Variants in PRKG1 observed in about 807,000 individuals in gnomAD.
PRKG1 encodes protein kinase cGMP-dependent 1, also known as cGMP-dependent protein kinase 1.
Under a neutral mutation model 88.1 loss-of-function variants are expected in PRKG1, and 35 were observed. The ratio of observed to expected loss-of-function variants is 0.40; its 90% CI spans 0.30 to 0.53. The LOEUF (loss-of-function observed/expected upper bound fraction) is 0.53, where lower values mean the gene tolerates loss of function less well. PRKG1 is among the 20% of genes least tolerant of loss of function. The pLI is 0.59. For missense variants in PRKG1, 540 were observed against 839.8 expected (o/e 0.64, Z 4.41); for synonymous variants, 303 against 292.5 (o/e 1.04, Z -0.37).
At chr10:51,983,945 A>G (rs568587485) in intron 5 of PRKG1, among the ~76,000 whole-genome samples, 1 of 152,350 alleles carries the variant, frequency 6.6e-6, no homozygotes, top group East Asian at 1.9e-4. Flanking sequence ...GTTCTTTTAA[A>G]GGAAAAATAA....
chr10:51,232,278 T>C (rs1344157153), intron 2 of PRKG1, among the ~76,000 whole-genome samples: 1 of 152,190 alleles, frequency 6.6e-6, no homozygotes, highest in African/African-American at 2.4e-5. Flanking sequence ...ACCTAACATA[T>C]GGCCTTTTAA....
At chr10:51,211,552 T>C (rs1214760253) in intron 2 of PRKG1, among the ~76,000 whole-genome samples, 2 of 152,164 alleles carry the variant, frequency 1.3e-5, no homozygotes, top group Non-Finnish European at 2.9e-5. Context: ...GACATGATTG[T>C]ATATCTAGAA....
In PRKG1 at chr10:51,597,140, T is replaced by C. The variant is rs139983359; in HGVS notation, c.592+129304T>C. On this transcript the variant is annotated intron_variant, in intron 3 of 17. Transcript: ENST00000373980. ...TTCTAGTTGGTATATGTTTTCTTTTTGGCTAGAAAACTAAACTAACCTTCT... is the reference window on the plus strand; with the variant it reads ...TTCTAGTTGGTATATGTTTTCTTTTCGGCTAGAAAACTAAACTAACCTTCT... 6.1e-3 allele frequency among the ~76,000 whole-genome samples: 929 copies of C among 152,260 alleles called. 10 individuals are homozygous for C. Among genetic ancestry groups the C allele is most frequent in the African/African-American group, 0.021 (854 of 41,500 alleles).
intron 4 of PRKG1, among the ~76,000 whole-genome samples, chr10:51,832,110 T>TA (rs549567750): frequency 2.0e-4 from 31 of 152,276 alleles, no homozygotes; most frequent in African/African-American, 7.0e-4. Flanking sequence ...GTTTTCTTTT[T>TA]AAAAAAACTT....
At chr10:51,145,287 G>A (rs1845917226) in intron 1 of PRKG1, among the ~76,000 whole-genome samples, 1 of 152,124 alleles carries the variant, frequency 6.6e-6, no homozygotes, top group South Asian at 2.1e-4. Flanking sequence ...TTAGTGCCTT[G>A]AAAGGTAAGA....
intron 3 of PRKG1, among the ~76,000 whole-genome samples, chr10:51,756,548 G>A (rs1481261156): frequency 6.6e-6 from 1 of 151,312 alleles, no homozygotes; most frequent in African/African-American, 2.4e-5. Context: ...GGGCACGGTG[G>A]CTCATGCCTG....
chr10:51,998,797 A>C (rs150408326), intron 5 of PRKG1, among the ~76,000 whole-genome samples: 170 of 152,280 alleles, frequency 1.1e-3, no homozygotes, highest in African/African-American at 3.7e-3. Context: ...ATCTTTTAAA[A>C]TTCTTGACTT....
chr10:51,582,538 A>C (rs1023941091), intron 3 of PRKG1, among the ~76,000 whole-genome samples: 1 of 152,082 alleles, frequency 6.6e-6, no homozygotes, highest in African/African-American at 2.4e-5. Context: ...CCCAGTTATA[A>C]GTGAGAACAT....
At chr10:51,285,798 A>G (rs1390308954) in intron 2 of PRKG1, among the ~76,000 whole-genome samples, 1 of 152,150 alleles carries the variant, frequency 6.6e-6, no homozygotes, top group African/African-American at 2.4e-5. Context: ...AGAGGTGAAG[A>G]GTTCTGAAGC....
chr10:52,170,359 C>T (rs1318976074), intron 9 of PRKG1, among the ~76,000 whole-genome samples: 1 of 152,108 alleles, frequency 6.6e-6, no homozygotes, highest in Non-Finnish European at 1.5e-5. Context: ...ATAATAGATT[C>T]ACATAATATA....
intron 3 of PRKG1, among the ~76,000 whole-genome samples, chr10:51,782,967 C>T (rs186404561): frequency 6.6e-5 from 10 of 152,142 alleles, no homozygotes; most frequent in East Asian, 5.8e-4. Flanking sequence ...TGTCTTTTGA[C>T]GCCTGTGCCG....
chr10:51,876,959 C>T (rs991150066), intron 4 of PRKG1, among the ~76,000 whole-genome samples: 4 of 152,172 alleles, frequency 2.6e-5, no homozygotes, highest in African/African-American at 4.8e-5. Context: ...ACCTTTCCTT[C>T]CCTACCAATG....
chr10:52,227,552 G>A (rs1254154564), intron 9 of PRKG1, among the ~76,000 whole-genome samples: 1 of 152,084 alleles, frequency 6.6e-6, no homozygotes, highest in Non-Finnish European at 1.5e-5. Context: ...CAGGCTATAT[G>A]CAAATACTAC....
At chr10:51,717,503 G>C (rs528050580) in intron 3 of PRKG1, among the ~76,000 whole-genome samples, 23 of 152,274 alleles carry the variant, frequency 1.5e-4, no homozygotes, top group African/African-American at 5.3e-4. Context: ...TGAAATTTAT[G>C]ATCCTCAAGT....
intron 3 of PRKG1, among the ~76,000 whole-genome samples, chr10:51,660,120 G>A (rs1840259543): frequency 9.4e-6 from 1 of 106,784 alleles, no homozygotes; most frequent in Admixed American, 1.3e-4. Flanking sequence ...GAAGGCCTAG[G>A]GAAGGGAATT....
At chr10:51,641,540 G>T (rs770418508) in intron 3 of PRKG1, among the ~76,000 whole-genome samples, 15 of 152,098 alleles carry the variant, frequency 9.9e-5, no homozygotes, top group Non-Finnish European at 1.8e-4. Flanking sequence ...CTCCATCTTG[G>T]CAGTCTCTTG....
intron 8 of PRKG1, among the ~76,000 whole-genome samples, chr10:52,157,403 G>A (rs1362905384): frequency 6.8e-6 from 1 of 147,516 alleles, no homozygotes; most frequent in Non-Finnish European, 1.5e-5. Context: ...TTTTAGCAGT[G>A]GTAATGCTGA....
chr10:51,483,569 C>A (rs1006182915), intron 3 of PRKG1, among the ~76,000 whole-genome samples: 2 of 151,976 alleles, frequency 1.3e-5, no homozygotes, highest in Non-Finnish European at 2.9e-5. Context: ...AACTTTTTTC[C>A]ACAATTCCAC....
intron 8 of PRKG1, among the ~76,000 whole-genome samples, chr10:52,149,125 A>T (rs911186842): frequency 2.6e-5 from 4 of 151,882 alleles, no homozygotes; most frequent in African/African-American, 9.7e-5. Flanking sequence ...TAGCAATGAA[A>T]AGGAGACTTG....
Sources: allele counts gnomAD v4.1 joint callset (sites outside exome capture counted in the v4.1 genomes callset), GRCh38; gene constraint gnomAD v4.1.1; transcripts MANE v1.5; gene names NCBI Gene and HGNC (gene_info 2026-07-23, HGNC 2026-07-21).